DNAAF11: variants seen among roughly 807,000 people sequenced by gnomAD.
DNAAF11 encodes the protein leucine rich repeat containing 6.
Under a neutral mutation model 60.8 loss-of-function variants are expected in DNAAF11, and 45 were observed. That is an observed-to-expected ratio of 0.74 (90% CI 0.58 to 0.95). The LOEUF (loss-of-function observed/expected upper bound fraction) is 0.95, where lower values mean the gene tolerates loss of function less well. DNAAF11 is among the 40% of genes least tolerant of loss of function. DNAAF11 has a pLI of 0.00. For synonymous variants in DNAAF11, 191 were observed against 183.5 expected (o/e 1.04, Z -0.33); for missense variants, 546 against 546.2 (o/e 1.00, Z 0.00).
chr8:132,637,895 T>G, intron 4 of DNAAF11, 40 bp downstream of exon 4: 1 of 1,538,006 alleles, frequency 6.5e-7, no homozygotes, highest in African/African-American at 1.4e-5. Context: ...TTGCTCATGC[T>G]CATTTATCTG....
chr8:132,674,856 C>A (rs1163946500), intron 1 of DNAAF11, among the ~76,000 whole-genome samples: 1 of 152,232 alleles, frequency 6.6e-6, no homozygotes, highest in Non-Finnish European at 1.5e-5. Context: ...CCGCTGCACT[C>A]CAGCCTGGGC....
At chr8:132,620,948 C>T (rs1819697691) in intron 7 of DNAAF11, among the ~76,000 whole-genome samples, 1 of 152,048 alleles carries the variant, frequency 6.6e-6, no homozygotes, top group Non-Finnish European at 1.5e-5. Context: ...TGGTGGATCA[C>T]CTACATGTTT....
chr8:132,691,578 G>T, the DNAAF11 span, among the ~76,000 whole-genome samples: 9 of 152,208 alleles, frequency 5.9e-5, no homozygotes, highest in Non-Finnish European at 1.5e-5. Flanking sequence ...GTTCTGCATG[G>T]CTGGGGAGGC....
upstream of DNAAF11, among the ~76,000 whole-genome samples, chr8:132,679,523 T>A (rs775657755): frequency 2.0e-5 from 3 of 152,196 alleles, no homozygotes; most frequent in Admixed American, 6.5e-5. Context: ...AAATCTAGGA[T>A]AAGATCTGGT....
At chr8:132,669,772 T>C (rs79311386) in intron 1 of DNAAF11, among the ~76,000 whole-genome samples, 3,248 of 152,016 alleles carry the variant, frequency 0.021, 127 homozygotes, top group African/African-American at 0.074. Context: ...ATTTTTTAAA[T>C]TTGGGCATAA....
chr8:132,646,397 G>A (rs1822391353), intron 3 of DNAAF11, among the ~76,000 whole-genome samples: 1 of 152,136 alleles, frequency 6.6e-6, no homozygotes, highest in African/African-American at 2.4e-5. Flanking sequence ...AAATTTTAAA[G>A]ACCACCAATG....
intron 1 of DNAAF11, among the ~76,000 whole-genome samples, chr8:132,662,983 G>A (rs963091634): frequency 6.6e-6 from 1 of 152,198 alleles, no homozygotes. Context: ...TAGGAGATAC[G>A]GGTGCTTGCA....
intron 10 of DNAAF11, among the ~76,000 whole-genome samples, chr8:132,600,725 A>T (rs1280288706): frequency 6.6e-6 from 1 of 152,248 alleles, no homozygotes; most frequent in African/African-American, 2.4e-5. Flanking sequence ...AGCCATATGT[A>T]GAAAGCTGAA....
intron 1 of DNAAF11, among the ~76,000 whole-genome samples, chr8:132,670,266 C>G (rs531981154): frequency 2.0e-5 from 3 of 151,842 alleles, no homozygotes; most frequent in African/African-American, 7.3e-5. Context: ...GACTTATCAG[C>G]AAAAAAGAGA....
Position 132,661,531 on chromosome 8 carries a change from A to G in DNAAF11, c.107T>C (p.Leu36Pro), listed in dbSNP as rs754737743. 18 of 1,613,718 alleles carry G rather than the reference A, an allele frequency of 1.1e-5. No homozygotes were observed. Among genetic ancestry groups the G allele is most frequent in the Non-Finnish European group, 1.5e-5 (18 of 1,179,634 alleles). ...CCGGCACCATTTATCAATGTGTTCTAGTCTTTCTATTTCTTGCTGATGCAA... is the reference window on the plus strand; with the variant it reads ...CCGGCACCATTTATCAATGTGTTCTGGTCTTTCTATTTCTTGCTGATGCAA... The part of the protein sequence containing the change: ...LSLHQQEIER[L>P]EHIDKWCRDL... Residue 36 changes from leucine (L) to proline (P), a missense_variant, in exon 2 of 12, where the codon CTA becomes CCA. Physicochemically the swap from Leu to Pro is moderately conservative, Grantham distance 98. Coordinates refer to ENST00000620350, the MANE Select transcript of DNAAF11 (RefSeq NM_012472.6).
upstream of DNAAF11, among the ~76,000 whole-genome samples, chr8:132,678,820 G>T (rs1825825306): frequency 6.6e-6 from 1 of 151,470 alleles, no homozygotes; most frequent in African/African-American, 2.4e-5. Flanking sequence ...TTATTCTTGA[G>T]AAATGACTTA....
chr8:132,689,558 T>C, the DNAAF11 span, among the ~76,000 whole-genome samples: 2 of 151,758 alleles, frequency 1.3e-5, no homozygotes, highest in Non-Finnish European at 2.9e-5. Flanking sequence ...CTCTTTTTAT[T>C]GTTTTTATTA....
chr8:132,603,253 A>C (rs558455145), intron 10 of DNAAF11, among the ~76,000 whole-genome samples: 1 of 152,268 alleles, frequency 6.6e-6, no homozygotes, highest in South Asian at 2.1e-4. Flanking sequence ...ACAGAGCTCT[A>C]GAGGTATTAT....
intron 10 of DNAAF11, among the ~76,000 whole-genome samples, chr8:132,584,967 C>G (rs990709295): frequency 6.6e-6 from 1 of 152,194 alleles, no homozygotes; most frequent in African/African-American, 2.4e-5. Context: ...GCCACATTCT[C>G]CTATCTAAGC....
intron 3 of DNAAF11, among the ~76,000 whole-genome samples, chr8:132,644,756 G>A (rs201582129): frequency 1.3e-5 from 2 of 152,288 alleles, no homozygotes; most frequent in East Asian, 3.9e-4. Context: ...GTCTGAGATC[G>A]AACTGCAAGG....
intron 11 of DNAAF11, among the ~76,000 whole-genome samples, 155 bp downstream of exon 11, chr8:132,583,539 G>A (rs1815549714): frequency 6.6e-6 from 1 of 152,188 alleles, no homozygotes; most frequent in Non-Finnish European, 1.5e-5. Context: ...TACAAAGCAA[G>A]AGTCTACGGT....
intron 7 of DNAAF11, among the ~76,000 whole-genome samples, chr8:132,617,535 G>C (rs1434398342): frequency 6.6e-6 from 1 of 152,140 alleles, no homozygotes; most frequent in Non-Finnish European, 1.5e-5. Context: ...AGCTTAAGGA[G>C]ATTTTAGGCT....
the DNAAF11 span, among the ~76,000 whole-genome samples, chr8:132,696,651 G>C: frequency 6.6e-6 from 1 of 152,032 alleles, no homozygotes; most frequent in Non-Finnish European, 1.5e-5. Context: ...CATGAAATCA[G>C]TGACAAGATT....
At chr8:132,637,597 T>G in intron 4 of DNAAF11, among the ~76,000 whole-genome samples, 1 of 149,328 alleles carries the variant, frequency 6.7e-6, no homozygotes, top group Non-Finnish European at 1.5e-5. Context: ...AGAGTGAGAC[T>G]CCATCTCAAA....
Sources: allele counts gnomAD v4.1 joint callset (sites outside exome capture counted in the v4.1 genomes callset), GRCh38; gene constraint gnomAD v4.1.1; transcripts MANE v1.5; gene names NCBI Gene and HGNC (gene_info 2026-07-23, HGNC 2026-07-21).